The following SMAP1 variants were observed in gnomAD, a reference collection of about 807,000 sequenced individuals.
The protein encoded by SMAP1 is stromal membrane-associated protein 1.
SMAP1 carries 24 observed loss-of-function variants against 58.5 expected under a neutral mutation model. That is an observed-to-expected ratio of 0.41 (90% CI 0.30 to 0.58). SMAP1 has a LOEUF of 0.58. Ranked by LOEUF, SMAP1 falls within the 20% of genes least tolerant of loss-of-function variation. SMAP1 has a pLI of 0.29. For missense variants in SMAP1, 563 were observed against 566.3 expected (o/e 0.99, Z 0.06); for synonymous variants, 216 against 196.6 (o/e 1.10, Z -0.82).
chr6:70,747,958 A>T (rs1031734123), intron 2 of SMAP1, among the ~76,000 whole-genome samples: 3 of 152,164 alleles, frequency 2.0e-5, no homozygotes, highest in Non-Finnish European at 2.9e-5. Context: ...TTTATTCTTT[A>T]AAAAAATAAT....
rs149307910 is a variant in SMAP1 at position 70,826,863 on chromosome 6, G to A, written c.577-10078G>A. On this transcript the variant is annotated intron_variant, in intron 6 of 10. Transcript: ENST00000370455. ...GAGGGTCGCCTGAGCCCAGGAGATC[G>A]AGGCTGCAGTATAGTGAACTGTGAT... 2.8e-4 allele frequency among the ~76,000 whole-genome samples: 41 copies of A among 148,210 alleles called. 2 individuals are homozygous for A. The East Asian group carries it at 8.2e-3, about 30-fold the overall frequency.
intron 1 of SMAP1, among the ~76,000 whole-genome samples, chr6:70,696,448 AT>A (rs1007575256): frequency 9.7e-4 from 148 of 151,930 alleles, no homozygotes; most frequent in African/African-American, 3.3e-3. Flanking sequence ...TTGTGTTTTT[AT>A]TTTTATTTGT....
intron 4 of SMAP1, among the ~76,000 whole-genome samples, chr6:70,787,043 C>T (rs1768074788): frequency 6.6e-6 from 1 of 152,160 alleles, no homozygotes; most frequent in African/African-American, 2.4e-5. Context: ...TACCTGACTT[C>T]AAACTATACT....
intron 1 of SMAP1, among the ~76,000 whole-genome samples, chr6:70,730,265 A>G (rs752369019): frequency 5.9e-5 from 9 of 151,594 alleles, no homozygotes; most frequent in Non-Finnish European, 1.2e-4. Context: ...TATGTTACCC[A>G]GGCTGGTCTC....
intron 5 of SMAP1, among the ~76,000 whole-genome samples, chr6:70,792,458 A>G (rs546088157): frequency 6.6e-5 from 10 of 151,780 alleles, no homozygotes; most frequent in Non-Finnish European, 1.3e-4. Flanking sequence ...AAGGCAAGAT[A>G]TAGCCCCTGC....
chr6:70,840,461 A>C (rs1417398477), intron 7 of SMAP1, among the ~76,000 whole-genome samples: 2 of 152,218 alleles, frequency 1.3e-5, no homozygotes, highest in African/African-American at 2.4e-5. Context: ...GAAGGGCCAA[A>C]TAGACATTAT....
At chr6:70,759,028 G>A (rs4706462) in intron 3 of SMAP1, among the ~76,000 whole-genome samples, 77,621 of 151,854 alleles carry the variant, frequency 0.51, 20,232 homozygotes, top group African/African-American at 0.57. Context: ...TTGAGGAGTC[G>A]CTTAGCATGT....
intron 1 of SMAP1, among the ~76,000 whole-genome samples, chr6:70,702,847 G>C (rs181235098): frequency 1.1e-3 from 173 of 152,092 alleles, no homozygotes; most frequent in African/African-American, 4.0e-3. Context: ...GCCCAGGCTG[G>C]TCTCGAAATC....
At chr6:70,804,443 T>C (rs1293058301) in intron 6 of SMAP1, among the ~76,000 whole-genome samples, 1 of 152,152 alleles carries the variant, frequency 6.6e-6, no homozygotes, top group Non-Finnish European at 1.5e-5. Context: ...GGGTTTTGAC[T>C]CTATCCAGTT....
chr6:70,692,990 A>G (rs538498953), intron 1 of SMAP1, among the ~76,000 whole-genome samples: 8 of 152,056 alleles, frequency 5.3e-5, no homozygotes, highest in Non-Finnish European at 8.8e-5. Flanking sequence ...TCACCATGTT[A>G]GCCAGGATGG....
In SMAP1 at chr6:70,704,389, T is replaced by A. The variant is rs559632004; in HGVS notation, c.119-27989T>A. On this transcript the variant is annotated intron_variant, in intron 1 of 10. Transcript: ENST00000370455. ...AACTTATAGAGGAAATCTCCTGTGA[T>A]GTGCTGTGCTCTTCATATATAAATT... 4.6e-4 allele frequency among the ~76,000 whole-genome samples: 70 copies of A among 152,362 alleles called. No individual in the cohort carries two copies. In the South Asian group the frequency reaches 0.014, roughly 31 times the overall value.
intron 7 of SMAP1, among the ~76,000 whole-genome samples, chr6:70,844,934 A>G (rs1379318708): frequency 6.6e-6 from 1 of 152,236 alleles, no homozygotes; most frequent in African/African-American, 2.4e-5. Context: ...GAATCACTTC[A>G]TATCATGGAC....
At chr6:70,783,489 C>T (rs930647336) in intron 4 of SMAP1, among the ~76,000 whole-genome samples, 1 of 151,714 alleles carries the variant, frequency 6.6e-6, no homozygotes, top group African/African-American at 2.4e-5. Flanking sequence ...AGGCTTCAGA[C>T]GAACAAACTA....
At chr6:70,723,888 C>G (rs570923390) in intron 1 of SMAP1, among the ~76,000 whole-genome samples, 1 of 151,798 alleles carries the variant, frequency 6.6e-6, no homozygotes, top group African/African-American at 2.4e-5. Flanking sequence ...TTTAAAATAA[C>G]TTATTTTAGA....
intron 2 of SMAP1, among the ~76,000 whole-genome samples, chr6:70,739,409 CT>C (rs1765731929): frequency 6.6e-6 from 1 of 152,026 alleles, no homozygotes; most frequent in Non-Finnish European, 1.5e-5. Context: ...CTCACTTTAT[CT>C]TTTGTTGCAC....
At chr6:70,800,841 T>C (rs1305108427) in intron 6 of SMAP1, among the ~76,000 whole-genome samples, 1 of 152,202 alleles carries the variant, frequency 6.6e-6, no homozygotes, top group South Asian at 2.1e-4. Context: ...GTGAAGGACA[T>C]GAACTCGTCC....
rs1770711446 is a variant in SMAP1 at position 70,839,189 on chromosome 6, G to T, written c.664+2161G>T. ...GTGGGTCAGCTAGGGCAGCTCTACT[G>T]TAACTTCATTTGATACATTTTCTAC... On this transcript the variant is annotated intron_variant, in intron 7 of 10. Transcript: ENST00000370455. 2.0e-5 allele frequency among the ~76,000 whole-genome samples: 3 copies of T among 152,174 alleles called. No homozygotes were observed. In the South Asian group the frequency reaches 6.2e-4, roughly 32 times the overall value.
chr6:70,852,590 C>T lies in SMAP1; in HGVS notation c.715C>T (p.Leu239=). 6.2e-7 allele frequency: 1 copy of T among 1,610,400 alleles called. No individual in the cohort carries two copies. The highest frequency in any genetic ancestry group is 8.5e-7 in the Non-Finnish European group (1 of 1,178,172). Residue 239 remains leucine, a synonymous_variant, in exon 8 of 11, where the codon CTG becomes TTG. Transcript: ENST00000370455. ...VTNGNTTVPP[L]NDDLDIFGPM... The stretch of plus-strand genomic sequence containing the variant: ...CAACGGGAACACAACGGTGCCACCC[C>T]TGAACGATGATCTGGACATCTTTGG...
chr6:70,842,943 C>T (rs1185150683), intron 7 of SMAP1, among the ~76,000 whole-genome samples: 1 of 152,080 alleles, frequency 6.6e-6, no homozygotes, highest in Non-Finnish European at 1.5e-5. Flanking sequence ...AGCAGGATTC[C>T]CAGGGTACGC....
Sources: allele counts gnomAD v4.1 joint callset (sites outside exome capture counted in the v4.1 genomes callset), GRCh38; gene constraint gnomAD v4.1.1; transcripts MANE v1.5; gene names NCBI Gene and HGNC (gene_info 2026-07-23, HGNC 2026-07-21).